Variants in DENND6B observed in about 807,000 individuals in gnomAD.
The protein encoded by DENND6B is DENN domain containing 6B.
Under a neutral mutation model 85.1 loss-of-function variants are expected in DENND6B, and 73 were observed. The ratio of observed to expected loss-of-function variants is 0.86; its 90% CI spans 0.71 to 1.04. DENND6B has a LOEUF of 1.04. DENND6B is among the 50% of genes least tolerant of loss of function. The pLI, the probability that DENND6B is intolerant of heterozygous loss-of-function variation, is 0.00. For missense variants in DENND6B, 715 were observed against 785.8 expected (o/e 0.91, Z 1.08); for synonymous variants, 357 against 329.3 (o/e 1.08, Z -0.91).
Position 50,314,831 on chromosome 22 carries a change from G to T in DENND6B, c.849C>A (p.Asp283Glu). Residue 283 changes from aspartate to glutamate, a missense_variant, in exon 10 of 20, where the codon GAC (aspartate) becomes GAA (glutamate). Coordinates refer to ENST00000413817, the MANE Select transcript of DENND6B (RefSeq NM_001001794.4). ...AGGCCAGCACCATCTCCGAGGACAC[G>T]TCGGGCGAGGGTGCCAGGACTAGCA... The part of the protein sequence containing the change: ...EPLLVLAPSP[D>E]VSSEMVLALT... 3 of 1,610,716 alleles carry T rather than the reference G, an allele frequency of 1.9e-6. No homozygotes were observed. Among genetic ancestry groups the T allele is most frequent in the Non-Finnish European group, 1.7e-6 (2 of 1,178,986 alleles).
Position 50,310,425 on chromosome 22 carries a change from G to A in DENND6B, c.*1714C>T, listed in dbSNP as rs946631011. The A allele has an allele frequency of 1.3e-5, 2 of 152,274 alleles. No individual in the cohort carries two copies. The highest frequency in any genetic ancestry group is 4.8e-5 in the African/African-American group (2 of 41,458). 9.4% of individuals were successfully genotyped at this position (152,274 alleles called of 1,614,324 possible). The stretch of plus-strand genomic sequence containing the variant: ...CAGGGACAGGCTGTCCTGGGCTGCA[G>A]TTGGGCTGGACAAGTTGACATGTAC... On this transcript the variant is annotated 3_prime_UTR_variant, in exon 20 of 20. Coordinates refer to ENST00000413817, the MANE Select transcript of DENND6B (RefSeq NM_001001794.4).
Position 50,315,754 on chromosome 22 carries a change from G to T in DENND6B, c.718C>A (p.Pro240Thr). The T allele has an allele frequency of 6.5e-7, 1 of 1,546,274 alleles. No individual in the cohort carries two copies. The highest frequency in any genetic ancestry group is 1.4e-5 in the African/African-American group (1 of 72,298). The change falls in exon 9 of 20, where the codon CCA becomes ACA. Residue 240 changes from proline (P) to threonine (T), a missense_variant. Coordinates refer to ENST00000413817, the MANE Select transcript of DENND6B (RefSeq NM_001001794.4). ...TCGTGGACGCTAGCAAGAACCACTG[G>T]GGCTGGCAGCAGGTTCTGAGAGGAG... ...QFDQENLLPA[P>T]VVLASVHELD... is the part of the protein sequence containing the mutation.
rs2041909749 is a variant in DENND6B at position 50,317,982 on chromosome 22, G to A, written c.298C>T (p.Gln100Ter). ...CAGGGGCTCCTCTGCCCTCCACACT[G>A]GCGCATGCGGAAGCTGAACTGAGTG... ...GDTQFSFRMR[Q>*]CGGQRSPWHA... The change falls in exon 4 of 20, where the codon CAG becomes TAG. Residue 100 changes from glutamine (Q) to a stop codon, truncating the protein, a stop_gained. Coordinates refer to ENST00000413817, the MANE Select transcript of DENND6B (RefSeq NM_001001794.4). LOFTEE classifies it high-confidence loss of function. The A allele has an allele frequency of 6.2e-7, 1 of 1,612,444 alleles. No individual in the cohort carries two copies. The highest frequency in any genetic ancestry group is 8.5e-7 in the Non-Finnish European group (1 of 1,179,710).
chr22:50,318,208 T>G (rs2041918585), intron 3 of DENND6B, among the ~76,000 whole-genome samples, 188 bp from the exon 4 acceptor site: 1 of 152,302 alleles, frequency 6.6e-6, no homozygotes, highest in South Asian at 2.1e-4. Context: ...CCAGGCATGG[T>G]GGCACACACC....
intron 18 of DENND6B, 28 bp from the exon 19 acceptor site, chr22:50,312,445 A>T (rs1279039704): frequency 8.1e-6 from 13 of 1,602,700 alleles, no homozygotes; most frequent in Non-Finnish European, 1.1e-5. Context: ...GTCTACTGTC[A>T]GCAAGGCCCC....
chr22:50,319,101 G>A (rs1466022980), intron 1 of DENND6B, 98 bp from the exon 2 acceptor site: 1 of 1,545,148 alleles, frequency 6.5e-7, no homozygotes, highest in Non-Finnish European at 8.7e-7. Flanking sequence ...AGCAGCTGCA[G>A]CATCTGTCTG....
At chr22:50,318,447 T>C (rs537233205) in intron 3 of DENND6B, among the ~76,000 whole-genome samples, 1 of 152,298 alleles carries the variant, frequency 6.6e-6, no homozygotes, top group South Asian at 2.1e-4. Context: ...TCTTAGAATA[T>C]ATTCGCATAG....
chr22:50,318,082 G>A lies in DENND6B; in HGVS notation c.260-62C>T, dbSNP rs948467573. The A allele has an allele frequency of 1.1e-5, 17 of 1,552,688 alleles. No homozygotes were observed. The Admixed American group carries it at 1.9e-4, about 17-fold the overall frequency. ...GGGAGCCTCTTCTGCAGGCCCTGGA[G>A]CTGGTGACCGGGGAGCAAGGGCCCT... On this transcript the variant is annotated intron_variant, in intron 3 of 19. Coordinates refer to ENST00000413817, the MANE Select transcript of DENND6B (RefSeq NM_001001794.4).
chr22:50,311,790 G>T lies in DENND6B; in HGVS notation c.*349C>A. 2.8e-6 allele frequency: 1 copy of T among 351,802 alleles called. No homozygotes were observed. The allele number at this position is 351,802 out of a possible 1,614,324, so 21.8% of individuals were successfully genotyped here. A position where few individuals can be genotyped will look rare whatever the true frequency, so the allele number is the denominator to read the frequency against. On this transcript the variant is annotated 3_prime_UTR_variant, in exon 20 of 20. Transcript: ENST00000413817. ...GAAGCATCACACACAGCGCAGGGGG[G>T]TCGGGGGCCAACAGATGGGCACCGG...
At chr22:50,324,570 G>A (rs564639033) in intron 1 of DENND6B, among the ~76,000 whole-genome samples, 1 of 152,138 alleles carries the variant, frequency 6.6e-6, no homozygotes, top group Non-Finnish European at 1.5e-5. Context: ...GATTACAGGC[G>A]TGCGCCACCA....
At position 50,314,912 on chromosome 22, in the gene DENND6B, C is replaced by A. The variant is rs777997267; in HGVS notation, c.768G>T (p.Arg256=). 1 of 1,609,720 alleles carries A rather than the reference C, an allele frequency of 6.2e-7. No individual in the cohort carries two copies. Among genetic ancestry groups the A allele is most frequent in the African/African-American group, 1.3e-5 (1 of 74,836 alleles). ...VHELDLFRCF[R]PVLTHMQTLW... is the part of the protein sequence containing the mutation. ...GTGTCTGCATATGAGTCAGCACAGG[C>A]CGGAAGCACCTGGGGCCGGGCAGGA... The change falls in exon 10 of 20, where the codon CGG becomes CGT. Residue 256 remains arginine, a synonymous_variant. Transcript: ENST00000413817.
intron 3 of DENND6B, 44 bp downstream of exon 3, chr22:50,318,803 C>A (rs775476250): frequency 6.2e-7 from 1 of 1,608,822 alleles, no homozygotes; most frequent in Non-Finnish European, 8.5e-7. Context: ...CAGGGATGCC[C>A]AGCTGGCTTC....
intron 5 of DENND6B, 86 bp downstream of exon 5, chr22:50,317,207 G>T (rs1303113729): frequency 6.8e-7 from 1 of 1,463,408 alleles, no homozygotes; most frequent in Non-Finnish European, 9.4e-7. Flanking sequence ...GGAGGCTCAG[G>T]CCCCTTGCCC....
At chr22:50,317,466 T>C (rs1310885212) in intron 4 of DENND6B, 93 bp from the exon 5 acceptor site, 1 of 1,406,184 alleles carries the variant, frequency 7.1e-7, no homozygotes, top group East Asian at 2.4e-5. Flanking sequence ...CAGGGACTGC[T>C]GCAGATGGAA....
At chr22:50,320,185 A>G (rs1286868978) in intron 1 of DENND6B, among the ~76,000 whole-genome samples, 1 of 152,222 alleles carries the variant, frequency 6.6e-6, no homozygotes, top group East Asian at 1.9e-4. Context: ...CTGAGCCCCC[A>G]GACAGTGAGG....
rs1233598911 is a variant in DENND6B, at chr22:50,326,915, C to A, written c.74G>T (p.Gly25Val). ...CGCCGCCGGGGTCCGCGCCGCGCGA[C>A]CTGAAGACGTGGGTCCAGCCGCGCC... ...CLGAAGPTSS[G>V]RAARTPAAPW... Residue 25 changes from glycine to valine, a missense_variant, in exon 1 of 20, where the codon GGT (glycine) becomes GTT (valine). Coordinates refer to ENST00000413817, the MANE Select transcript of DENND6B (RefSeq NM_001001794.4). 7.3e-7 allele frequency: 1 copy of A among 1,377,610 alleles called. No individual in the cohort carries two copies. The highest frequency in any genetic ancestry group is 3.1e-5 in the Admixed American group (1 of 32,006). 85.3% of individuals were successfully genotyped at this position (1,377,610 alleles called of 1,614,324 possible).
At chr22:50,326,179 C>G (rs1024133288) in intron 1 of DENND6B, among the ~76,000 whole-genome samples, 1 of 152,236 alleles carries the variant, frequency 6.6e-6, no homozygotes, top group Admixed American at 6.5e-5. Context: ...GCAGAAAGAC[C>G]ACATCGAAAG....
At chr22:50,324,109 C>A (rs1387803882) in intron 1 of DENND6B, among the ~76,000 whole-genome samples, 2 of 152,058 alleles carry the variant, frequency 1.3e-5, no homozygotes, top group Non-Finnish European at 2.9e-5. Flanking sequence ...CCAGTCACCC[C>A]ACAGTCCTGC....
At chr22:50,323,943 T>A (rs2042126058) in intron 1 of DENND6B, among the ~76,000 whole-genome samples, 1 of 152,004 alleles carries the variant, frequency 6.6e-6, no homozygotes, top group Admixed American at 6.6e-5. Context: ...CTATGTTTCC[T>A]AGGCTAGTCT....
Sources: allele counts gnomAD v4.1 joint callset (sites outside exome capture counted in the v4.1 genomes callset), GRCh38; gene constraint gnomAD v4.1.1; transcripts MANE v1.5; gene names NCBI Gene and HGNC (gene_info 2026-07-23, HGNC 2026-07-21).